Variants in DAB1 observed in about 807,000 individuals in gnomAD.
DAB1 encodes the protein DAB adaptor protein 1, also known as disabled homolog 1.
In DAB1, 15 loss-of-function variants were observed where a neutral mutation model predicts 64.6. That is an observed-to-expected ratio of 0.23 (90% CI 0.16 to 0.36). The LOEUF is 0.36. Among genes scored for constraint, DAB1 ranks in the 10% least tolerant of loss-of-function variants. DAB1 has a pLI of 1.00. For missense variants in DAB1, 596 were observed against 706.7 expected (o/e 0.84, Z 1.78); for synonymous variants, 235 against 251.9 (o/e 0.93, Z 0.64).
At chr1:57,705,627 T>C (rs1466012348) in intron 6 of DAB1, among the ~76,000 whole-genome samples, 1 of 152,154 alleles carries the variant, frequency 6.6e-6, no homozygotes, top group East Asian at 1.9e-4. Flanking sequence ...TCCCTACCCC[T>C]AAGCAAATAA....
chr1:57,085,932 G>A (rs954450605), intron 4 of DAB1, among the ~76,000 whole-genome samples: 2 of 152,208 alleles, frequency 1.3e-5, no homozygotes, highest in Admixed American at 1.3e-4. Context: ...ATTAGTGAGT[G>A]TGGGAGCGGT....
chr1:57,346,193 G>A (rs921693731), intron 1 of DAB1, among the ~76,000 whole-genome samples: 1 of 152,114 alleles, frequency 6.6e-6, no homozygotes, highest in Non-Finnish European at 1.5e-5. Flanking sequence ...GCCCCAGTGT[G>A]GCAGTTCTTA....
chr1:58,347,714 C>G (rs916010999), intron 3 of DAB1, among the ~76,000 whole-genome samples: 1 of 152,200 alleles, frequency 6.6e-6, no homozygotes, highest in African/African-American at 2.4e-5. Context: ...AAACAACATT[C>G]CAAGGTTCTC....
chr1:57,349,453 G>A (rs553017698), intron 1 of DAB1, among the ~76,000 whole-genome samples: 22 of 152,016 alleles, frequency 1.4e-4, no homozygotes, highest in East Asian at 3.9e-4. Flanking sequence ...CACTACACTC[G>A]AAGCCATATT....
At chr1:57,102,845 A>T (rs941425174) in intron 4 of DAB1, among the ~76,000 whole-genome samples, 12 of 152,232 alleles carry the variant, frequency 7.9e-5, no homozygotes, top group African/African-American at 2.7e-4. Flanking sequence ...AGGCCAGAAC[A>T]TACTTGGGGC....
intron 2 of DAB1, among the ~76,000 whole-genome samples, chr1:57,272,815 C>T (rs1671116660): frequency 1.3e-5 from 2 of 152,098 alleles, no homozygotes; most frequent in East Asian, 1.9e-4. Context: ...TTCAGCCTTC[C>T]TAGCACAGTG....
intron 6 of DAB1, among the ~76,000 whole-genome samples, chr1:57,662,889 C>T (rs1646403576): frequency 6.6e-6 from 1 of 152,156 alleles, no homozygotes; most frequent in African/African-American, 2.4e-5. Flanking sequence ...TTCTGTTTTT[C>T]CTCTACCAAT....
rs79341109 is a variant in DAB1 at position 57,290,548 on chromosome 1, G to T, written c.67+416C>A. On this transcript the variant is annotated intron_variant, in intron 2 of 14. Coordinates refer to ENST00000371236, the MANE Select transcript of DAB1 (RefSeq NM_001365792.1). ...GGGTAAACAGGGATGGGGAAGGGGG[G>T]TGGTTAGGCAGAGATGTTGCTGGAG... 1.2e-3 allele frequency among the ~76,000 whole-genome samples: 180 copies of T among 152,266 alleles called. 2 individuals carry two copies. In the East Asian group the frequency reaches 0.03, roughly 25 times the overall value.
At chr1:57,809,813 C>T (rs1651533225) in intron 6 of DAB1, among the ~76,000 whole-genome samples, 2 of 152,120 alleles carry the variant, frequency 1.3e-5, no homozygotes, top group African/African-American at 4.8e-5. Context: ...TTAACCTGAC[C>T]TCTTACTCTT....
At chr1:58,443,284 C>T (rs1645032771) in intron 3 of DAB1, among the ~76,000 whole-genome samples, 1 of 152,242 alleles carries the variant, frequency 6.6e-6, no homozygotes, top group African/African-American at 2.4e-5. Context: ...GCCAGCCTCT[C>T]ACAGTACAGG....
intron 6 of DAB1, among the ~76,000 whole-genome samples, chr1:57,808,308 A>C (rs1475446602): frequency 6.6e-6 from 1 of 152,028 alleles, no homozygotes; most frequent in Admixed American, 6.6e-5. Flanking sequence ...CTATTCTTTG[A>C]ATCTTAGCCC....
chr1:58,522,202 G>C (rs1013116427), intron 2 of DAB1, among the ~76,000 whole-genome samples: 3 of 152,094 alleles, frequency 2.0e-5, no homozygotes, highest in Admixed American at 1.3e-4. Context: ...AGGAAGAATA[G>C]CTAATGGATG....
chr1:57,981,582 T>C (rs1421893546), intron 5 of DAB1, among the ~76,000 whole-genome samples: 2 of 152,218 alleles, frequency 1.3e-5, no homozygotes, highest in African/African-American at 4.8e-5. Flanking sequence ...GATAAGACTA[T>C]GCACATGTGT....
At chr1:57,972,638 T>C (rs1197926585) in intron 5 of DAB1, among the ~76,000 whole-genome samples, 1 of 152,246 alleles carries the variant, frequency 6.6e-6, no homozygotes, top group Non-Finnish European at 1.5e-5. Flanking sequence ...TAACTAGTTA[T>C]ATCAGCCAAC....
rs539510193 is a variant in DAB1, at chr1:57,061,805, C to A, written c.723+1079G>T. 2.3e-3 allele frequency among the ~76,000 whole-genome samples: 346 copies of A among 152,284 alleles called. 1 individual carries two copies. Among genetic ancestry groups the A allele is most frequent in the Admixed American group, 4.4e-3 (67 of 15,290 alleles). ...GAAACATGCAGATGTGCCTTTATGT[C>A]TCTCACAGTGTGGGGTCCAGAACAG... On this transcript the variant is annotated intron_variant, in intron 9 of 14. Coordinates refer to ENST00000371236, the MANE Select transcript of DAB1 (RefSeq NM_001365792.1).
At chr1:57,063,179 C>A (rs1038284354) in intron 8 of DAB1, among the ~76,000 whole-genome samples, 1 of 151,972 alleles carries the variant, frequency 6.6e-6, no homozygotes, top group Non-Finnish European at 1.5e-5. Context: ...GTCGTCTCTG[C>A]CATTGGGCTT....
intron 14 of DAB1, 26 bp downstream of exon 14, chr1:57,010,654 A>G (rs1646235243): frequency 1.5e-6 from 2 of 1,290,774 alleles, no homozygotes; most frequent in African/African-American, 1.5e-5. Flanking sequence ...TTAAGGGTAA[A>G]GGAGATAAAA....
intron 4 of DAB1, among the ~76,000 whole-genome samples, chr1:58,341,013 A>C (rs1643925276): frequency 6.6e-6 from 1 of 150,720 alleles, no homozygotes; most frequent in South Asian, 2.1e-4. Flanking sequence ...GGATGCCAGT[A>C]TCTTTTTCTC....
At position 58,204,930 on chromosome 1, in the gene DAB1, A is replaced by G. The variant is rs1262685619; in HGVS notation, n.310-54342T>C. Among the ~76,000 whole-genome samples, 5 of 152,222 alleles carry G rather than the reference A, an allele frequency of 3.3e-5. No individual in the cohort carries two copies. In the East Asian group the frequency reaches 9.6e-4, roughly 29 times the overall value. On this transcript the variant is annotated intron_variant and non_coding_transcript_variant, in intron 4 of 20. Transcript: ENST00000485760. ...AAAATCTAAGGTTTACCATGATAAT[A>G]TTAATAACTAACATCAGCTTGTGTT... is the stretch of plus-strand genomic sequence containing the variant.
Sources: gnomAD v4.1 joint callset for allele counts (sites outside exome capture counted in the v4.1 genomes callset) on GRCh38, gnomAD v4.1.1 for gene constraint, MANE v1.5 for transcripts, NCBI Gene and HGNC (gene_info 2026-07-23, HGNC 2026-07-21) for gene names.